The following CNTN3 variants were observed in gnomAD, a reference collection of about 807,000 sequenced individuals.
CNTN3 encodes contactin 3.
A neutral mutation model predicts 119.1 loss-of-function variants in CNTN3; 60 were observed. The ratio of observed to expected loss-of-function variants is 0.50; its 90% confidence interval spans 0.41 to 0.62. The LOEUF (loss-of-function observed/expected upper bound fraction) is 0.62, where lower values mean the gene tolerates loss of function less well. CNTN3 is among the 20% of genes least tolerant of loss of function. CNTN3 has a pLI of 0.00. For missense variants in CNTN3, 1,101 were observed against 1,242.4 expected (o/e 0.89, Z 1.71); for synonymous variants, 450 against 438.7 (o/e 1.03, Z -0.32).
intron 11 of CNTN3, among the ~76,000 whole-genome samples, chr3:74,345,097 A>C (rs760690556): frequency 6.6e-6 from 1 of 152,154 alleles, no homozygotes; most frequent in Non-Finnish European, 1.5e-5. Flanking sequence ...TGTACATTTG[A>C]TGATGGGTTC....
intron 13 of CNTN3, among the ~76,000 whole-genome samples, chr3:74,318,402 G>C (rs1477764441): frequency 1.3e-5 from 2 of 152,136 alleles, no homozygotes; most frequent in South Asian, 4.1e-4. Flanking sequence ...CTTTGGAGGA[G>C]GAGAGGCGCT....
At chr3:74,374,176 A>G (rs1257527863) in intron 5 of CNTN3, among the ~76,000 whole-genome samples, 1 of 152,082 alleles carries the variant, frequency 6.6e-6, no homozygotes, top group African/African-American at 2.4e-5. Flanking sequence ...CTGCAGTCTG[A>G]CATTCTTCCT....
At chr3:74,367,847 G>A (rs9808982) in intron 8 of CNTN3, among the ~76,000 whole-genome samples, 5,915 of 151,930 alleles carry the variant, frequency 0.039, 368 homozygotes, top group African/African-American at 0.13. Flanking sequence ...TGGAATATCC[G>A]GTGTGTTCCC....
intron 5 of CNTN3, among the ~76,000 whole-genome samples, chr3:74,412,586 T>C (rs191505508): frequency 1.3e-5 from 2 of 152,320 alleles, no homozygotes; most frequent in Admixed American, 1.3e-4. Flanking sequence ...GAATGAGGCT[T>C]ATTCATTTTT....
At chr3:74,299,795 C>G in intron 17 of CNTN3, 73 bp downstream of exon 17, 5 of 1,265,102 alleles carry the variant, frequency 4.0e-6, no homozygotes, top group Non-Finnish European at 5.6e-6. Flanking sequence ...CCATTGGCAC[C>G]ACCACCTGGG....
chr3:74,520,545 C>T (rs905270069), intron 2 of CNTN3, among the ~76,000 whole-genome samples: 7 of 151,162 alleles, frequency 4.6e-5, no homozygotes, highest in Admixed American at 1.3e-4. Flanking sequence ...GTGTCAAAGA[C>T]GATAATTTTT....
At chr3:74,333,549 G>GTCTATA (rs1474579103) in intron 13 of CNTN3, among the ~76,000 whole-genome samples, 1 of 152,164 alleles carries the variant, frequency 6.6e-6, no homozygotes, top group Non-Finnish European at 1.5e-5. Context: ...GTGTGTCTAT[G>GTCTATA]TCCAAATGGC....
chr3:74,297,571 A>T (rs532579466), intron 18 of CNTN3, among the ~76,000 whole-genome samples: 1 of 152,298 alleles, frequency 6.6e-6, no homozygotes, highest in South Asian at 2.1e-4. Context: ...GTAAATCAGC[A>T]CTTTACATAA....
At chr3:74,452,398 G>T (rs77659258) in intron 4 of CNTN3, among the ~76,000 whole-genome samples, 85,433 of 125,766 alleles carry the variant, frequency 0.68, 29,523 homozygotes, top group African/African-American at 0.76. Flanking sequence ...TTGCTTATCA[G>T]CTTAAGGAGA....
intron 13 of CNTN3, among the ~76,000 whole-genome samples, chr3:74,331,390 A>G (rs1245683390): frequency 6.6e-6 from 1 of 152,228 alleles, no homozygotes; most frequent in Non-Finnish European, 1.5e-5. Context: ...AGGCTGTATC[A>G]TTAGGTTTGT....
chr3:74,349,823 C>T (rs1703773783), intron 11 of CNTN3, among the ~76,000 whole-genome samples: 1 of 152,110 alleles, frequency 6.6e-6, no homozygotes, highest in Middle Eastern at 3.4e-3. Flanking sequence ...GCTGTATGAC[C>T]AAAAGAATAT....
intron 11 of CNTN3, among the ~76,000 whole-genome samples, chr3:74,360,331 A>G (rs1442800885): frequency 6.6e-6 from 1 of 152,166 alleles, no homozygotes; most frequent in African/African-American, 2.4e-5. Flanking sequence ...GACCACCTCA[A>G]AGATTCTGGG....
intron 4 of CNTN3, among the ~76,000 whole-genome samples, chr3:74,443,272 C>A (rs1701996097): frequency 6.6e-6 from 1 of 152,294 alleles, no homozygotes; most frequent in African/African-American, 2.4e-5. Context: ...CTCTATTCTT[C>A]CTTCTGGGCC....
rs199931035 is a variant in CNTN3, at chr3:74,285,487, C to T, written c.2522G>A (p.Arg841Gln). ...SNGHLLGYEV[R>Q]YWNGGGKEES... is the part of the protein sequence containing the mutation. Reference sequence around the variant, plus strand: ...CTCCTTTCCACCCCCATTCCAGTACCGCACCTGGTGGGCGGAAGACACCAA... The same window carrying T: ...CTCCTTTCCACCCCCATTCCAGTACTGCACCTGGTGGGCGGAAGACACCAA... The change falls in exon 20 of 23, where the codon CGG (arginine) becomes CAG (glutamine). Residue 841 changes from arginine to glutamine, a missense_variant. Physicochemically the swap from Arg to Gln is conservative, Grantham distance 43. Transcript: ENST00000263665. 552 of 1,608,476 alleles carry T rather than the reference C, an allele frequency of 3.4e-4. No homozygotes were observed. The highest frequency in any genetic ancestry group is 1.7e-3 in the Middle Eastern group (10 of 6,020).
chr3:74,596,002 C>T (rs955397458), intron 1 of CNTN3, among the ~76,000 whole-genome samples: 2 of 152,100 alleles, frequency 1.3e-5, no homozygotes, highest in African/African-American at 4.8e-5. Context: ...TCTCAGGATA[C>T]AAAATCAATG....
chr3:74,330,145 C>T (rs1009532851), intron 13 of CNTN3, among the ~76,000 whole-genome samples: 1 of 152,144 alleles, frequency 6.6e-6, no homozygotes, highest in African/African-American at 2.4e-5. Context: ...CACCTGAGGT[C>T]AGGAGTTCAA....
chr3:74,313,091 T>A (rs1702735726), intron 13 of CNTN3, among the ~76,000 whole-genome samples: 1 of 147,426 alleles, frequency 6.8e-6, no homozygotes, highest in East Asian at 2.0e-4. Flanking sequence ...TGAGAAAAAA[T>A]TTCTGAGCTC....
chr3:74,488,338 C>G (rs1702897946), intron 3 of CNTN3, among the ~76,000 whole-genome samples: 1 of 152,094 alleles, frequency 6.6e-6, no homozygotes, highest in Non-Finnish European at 1.5e-5. Flanking sequence ...TGGTCTCGAT[C>G]TCCTGACCTC....
At chr3:74,529,817 T>C (rs760889867) in intron 1 of CNTN3, among the ~76,000 whole-genome samples, 3 of 151,924 alleles carry the variant, frequency 2.0e-5, no homozygotes, top group Non-Finnish European at 2.9e-5. Context: ...AGTTTCAACA[T>C]TGAGTTCTAA....
Sources: gnomAD v4.1 joint callset for allele counts (sites outside exome capture counted in the v4.1 genomes callset) on GRCh38, gnomAD v4.1.1 for gene constraint, MANE v1.5 for transcripts, NCBI Gene and HGNC (gene_info 2026-07-23, HGNC 2026-07-21) for gene names.